Variants in ATP7A observed in about 807,000 individuals in gnomAD.
ATP7A encodes the protein ATPase copper transporting alpha, also known as copper-transporting ATPase 1.
In ATP7A, 7 loss-of-function variants were observed where a neutral mutation model predicts 83.5. The ratio of observed to expected loss-of-function variants is 0.08; its 90% CI spans 0.05 to 0.16. The LOEUF (loss-of-function observed/expected upper bound fraction) is 0.16, where lower values mean the gene tolerates loss of function less well. ATP7A is among the 10% of genes least tolerant of loss of function. The pLI, the probability that ATP7A is intolerant of heterozygous loss-of-function variation, is 1.00. For missense variants in ATP7A, 940 were observed against 1,120.8 expected (o/e 0.84, Z 2.30); for synonymous variants, 354 against 395.2 (o/e 0.90, Z 1.24).
At position 78,043,349 on chromosome X, in the gene ATP7A, C is replaced by T. The variant is rs375819425; in HGVS notation, c.4038C>T (p.Asp1346=). ...NDLLDVVASI[D]LSRKTVKRIR... is the part of the protein sequence containing the mutation. Reference sequence around the variant, plus strand: ...TTCTGGATGTAGTGGCAAGTATTGACTTATCAAGAAAGACAGTCAAGAGGA... The same window carrying T: ...TTCTGGATGTAGTGGCAAGTATTGATTTATCAAGAAAGACAGTCAAGAGGA... Residue 1346 remains aspartate, a synonymous_variant, in exon 21 of 23, where the codon GAC becomes GAT. Coordinates refer to ENST00000341514, the MANE Select transcript of ATP7A (RefSeq NM_000052.7). The T allele has an allele frequency of 1.1e-5, 13 of 1,205,862 alleles. No homozygotes were observed. Among genetic ancestry groups the T allele is most frequent in the South Asian group, 7.0e-5 (4 of 56,783 alleles).
chrX:77,994,761 C>G (rs1403956749), intron 4 of ATP7A, among the ~76,000 whole-genome samples: 1 of 111,036 alleles, frequency 9.0e-6, no homozygotes, highest in Non-Finnish European at 1.9e-5. Context: ...AGGCTGGTCT[C>G]AAACTCCTGG....
intron 14 of ATP7A, among the ~76,000 whole-genome samples, chrX:78,025,452 A>G (rs1211100171): frequency 2.7e-5 from 3 of 111,886 alleles, no homozygotes; most frequent in Non-Finnish European, 5.6e-5. Flanking sequence ...ATCCAAATGA[A>G]AGTTGGAATC....
intron 5 of ATP7A, among the ~76,000 whole-genome samples, chrX:78,001,839 T>G (rs1372233279): frequency 1.8e-5 from 2 of 110,380 alleles, no homozygotes; most frequent in African/African-American, 6.6e-5. Context: ...AAAAAAAAGG[T>G]TTGCACTAGT....
chrX:77,992,966 T>C lies in ATP7A; in HGVS notation c.1336+3008T>C, dbSNP rs921968058. ...ATGACAGTGTTTGAAATTATATTGA[T>C]TCACATTTCACTACTTCATAATGTT... On this transcript the variant is annotated intron_variant, in intron 4 of 22. Transcript: ENST00000341514. Among the ~76,000 whole-genome samples the C allele has an allele frequency of 3.6e-5, 4 of 112,494 alleles. No homozygotes were observed. The East Asian group carries it at 8.3e-4, about 23-fold the overall frequency.
In ATP7A at chrX:78,009,133, A is replaced by G; in HGVS notation, c.1739A>G (p.His580Arg). The G allele has an allele frequency of 8.3e-7, 1 of 1,211,281 alleles. No individual in the cohort carries two copies. Among genetic ancestry groups the G allele is most frequent in the Non-Finnish European group, 1.1e-6 (1 of 895,092 alleles). ...VRGMTCASCV[H>R]KIESSLTKHR... ...GGAATGACGTGTGCCTCCTGCGTAC[A>G]TAAAATAGAGTCTAGTCTCACAAAA... is the stretch of plus-strand genomic sequence containing the variant. The change falls in exon 7 of 23, where the codon CAT (histidine) becomes CGT (arginine). Residue 580 changes from histidine (H) to arginine (R), a missense_variant. By Grantham distance (29) the His-to-Arg change is conservative (BLOSUM62 0). Transcript: ENST00000341514.
At chrX:77,956,769 TTC>T (rs1221224046) in intron 1 of ATP7A, among the ~76,000 whole-genome samples, 1 of 103,006 alleles carries the variant, frequency 9.7e-6, no homozygotes, top group South Asian at 4.4e-4. Flanking sequence ...CTTTCTTTCT[TTC>T]TTTCTTTCTT....
At chrX:78,009,950 C>G (rs1375002168) in intron 7 of ATP7A, among the ~76,000 whole-genome samples, 4 of 112,714 alleles carry the variant, frequency 3.5e-5, no homozygotes, top group African/African-American at 1.3e-4. Context: ...AAACACAATC[C>G]TTTCTTTGTG....
chrX:77,976,455 T>G (rs781808332), intron 2 of ATP7A, among the ~76,000 whole-genome samples: 2 of 112,327 alleles, frequency 1.8e-5, no homozygotes, highest in South Asian at 7.3e-4. Flanking sequence ...AGATCTTGAG[T>G]AGATTGGTTT....
At chrX:77,961,606 T>C (rs2077475089) in intron 1 of ATP7A, among the ~76,000 whole-genome samples, 1 of 111,849 alleles carries the variant, frequency 8.9e-6, no homozygotes, top group Admixed American at 9.6e-5. Context: ...AAGAGTTTCC[T>C]TTTTTAGGCT....
intron 2 of ATP7A, among the ~76,000 whole-genome samples, chrX:77,979,910 T>C (rs1379931255): frequency 8.9e-6 from 1 of 112,703 alleles, no homozygotes; most frequent in African/African-American, 3.2e-5. Context: ...GTGTTAAGAC[T>C]GTAGACTTTA....
At chrX:77,926,422 C>T (rs1557223565) in intron 1 of ATP7A, among the ~76,000 whole-genome samples, 2 of 111,346 alleles carry the variant, frequency 1.8e-5, no homozygotes, top group Non-Finnish European at 3.8e-5. Context: ...CCTCTGCCTC[C>T]CAGGTTCAAA....
chrX:78,014,354 G>A (rs1309609215), intron 10 of ATP7A, among the ~76,000 whole-genome samples: 2 of 110,026 alleles, frequency 1.8e-5, no homozygotes, highest in Non-Finnish European at 3.8e-5. Flanking sequence ...GCAGTGAGCC[G>A]AGATCATGCT....
intron 13 of ATP7A, 25 bp from the exon 14 acceptor site, chrX:78,020,920 T>C (rs899963858): frequency 8.4e-7 from 1 of 1,190,331 alleles, no homozygotes; most frequent in Non-Finnish European, 1.1e-6. Context: ...CTTCTTCTTA[T>C]TATTGTTGTT....
intron 1 of ATP7A, among the ~76,000 whole-genome samples, chrX:77,920,604 C>T (rs1557223001): frequency 1.1e-4 from 12 of 110,686 alleles, no homozygotes. Flanking sequence ...GGATAATGGC[C>T]TCCAGCTGAT....
chrX:77,942,473 G>A (rs1415641937), intron 1 of ATP7A, among the ~76,000 whole-genome samples: 1 of 109,665 alleles, frequency 9.1e-6, no homozygotes, highest in Non-Finnish European at 1.9e-5. Context: ...GGAGCGGACA[G>A]CATCTAGCTC....
At chrX:77,948,026 C>A (rs1232024498) in intron 1 of ATP7A, among the ~76,000 whole-genome samples, 2 of 110,119 alleles carry the variant, frequency 1.8e-5, no homozygotes, top group Non-Finnish European at 3.8e-5. Context: ...AGGCGTGAGC[C>A]ACCATGCCTG....
rs782258165 is a variant in ATP7A, at chrX:78,031,354, G to T, written c.3112-46G>T. 7 of 1,116,332 alleles carry T rather than the reference G, an allele frequency of 6.3e-6. No individual in the cohort carries two copies. The South Asian group carries it at 1.1e-4, about 17-fold the overall frequency. The allele number at this position is 1,116,332 out of a possible 1,213,427, so 92.0% of individuals were successfully genotyped here. ...AGACCTTTTTCTTATTTCTGGAAAG[G>T]TGATGTGGAGGATCATCAAGTCATT... On this transcript the variant is annotated intron_variant, in intron 15 of 22. Transcript: ENST00000341514.
chrX:78,003,206 T>G lies in ATP7A; in HGVS notation c.1677T>G (p.Ala559=), dbSNP rs149841982. 3.2e-5 allele frequency: 39 copies of G among 1,208,865 alleles called. No individual in the cohort carries two copies. Among genetic ancestry groups the G allele is most frequent in the Non-Finnish European group, 4.2e-5 (38 of 894,704 alleles). Residue 559 remains alanine, a synonymous_variant, in exon 6 of 23, where the codon GCT becomes GCG. Transcript: ENST00000341514. The part of the protein sequence containing the change: ...LGFGATVIEN[A]DEGDGVLELV... ...TTGGAGCCACTGTGATAGAAAATGC[T>G]GATGAAGGAGATGGTGTTTTGGAAC...
chrX:77,919,124 C>T lies in ATP7A; in HGVS notation c.-22+8289C>T, dbSNP rs1557222849. ...ACTTCATAAATTAAAGAATACTACA[C>T]AAATATAATATTCTTTTCAGATATA... On this transcript the variant is annotated intron_variant, in intron 1 of 22. Transcript: ENST00000341514. 2.7e-5 allele frequency among the ~76,000 whole-genome samples: 3 copies of T among 112,162 alleles called. No homozygotes were observed. In the South Asian group the frequency reaches 1.1e-3, roughly 41 times the overall value.
Sources: gnomAD v4.1 joint callset for allele counts (sites outside exome capture counted in the v4.1 genomes callset) on GRCh38, gnomAD v4.1.1 for gene constraint, MANE v1.5 for transcripts, NCBI Gene and HGNC (gene_info 2026-07-23, HGNC 2026-07-21) for gene names.